Variants in COL22A1 observed in about 807,000 individuals in gnomAD.
COL22A1 encodes the protein collagen type XXII alpha 1 chain.
COL22A1 carries 221 observed loss-of-function variants against 248.9 expected under a neutral mutation model. The observed-to-expected ratio is 0.89, with a 90% CI of 0.80 to 0.99. The LOEUF (loss-of-function observed/expected upper bound fraction) is 0.99, where lower values mean the gene tolerates loss of function less well. Among genes scored for constraint, COL22A1 ranks in the 50% least tolerant of loss-of-function variants. The pLI is 0.00. For missense variants in COL22A1, 2,240 were observed against 2,179.0 expected (o/e 1.03, Z -0.56); for synonymous variants, 891 against 793.4 (o/e 1.12, Z -2.07).
chr8:138,811,155 A>G (rs1818176799), intron 9 of COL22A1, among the ~76,000 whole-genome samples: 1 of 152,138 alleles, frequency 6.6e-6, no homozygotes, highest in African/African-American at 2.4e-5. Flanking sequence ...CCCTGGGCAC[A>G]CAGTGAGATA....
chr8:138,708,083 C>T lies in COL22A1; in HGVS notation c.2518-4736G>A, dbSNP rs529818640. On this transcript the variant is annotated intron_variant, in intron 30 of 64. Coordinates refer to ENST00000303045, the MANE Select transcript of COL22A1 (RefSeq NM_152888.3). ...ACCTAGGAATCCAACTTACAAGGGA[C>T]ATGAAGGACCTCTTCAAGGAGAACT... is the stretch of plus-strand genomic sequence containing the variant. Among the ~76,000 whole-genome samples, 1,464 of 152,146 alleles carry T rather than the reference C, an allele frequency of 9.6e-3. 22 individuals are homozygous for T. Among genetic ancestry groups the T allele is most frequent in the African/African-American group, 0.03 (1,262 of 41,490 alleles).
intron 64 of COL22A1, among the ~76,000 whole-genome samples, chr8:138,591,009 T>C (rs968823487): frequency 2.6e-5 from 4 of 152,194 alleles, no homozygotes; most frequent in African/African-American, 9.7e-5. Flanking sequence ...CTCTTTCAAG[T>C]GAATTTCGAA....
intron 52 of COL22A1, chr8:138,620,588 C>G (rs940575565): frequency 3.9e-5 from 6 of 152,142 alleles, no homozygotes; most frequent in African/African-American, 1.4e-4. Context: ...TGTACATAGC[C>G]TGGCTCCTGC....
chr8:138,806,038 G>C (rs1415768340), intron 10 of COL22A1, among the ~76,000 whole-genome samples: 1 of 131,992 alleles, frequency 7.6e-6, no homozygotes, highest in Non-Finnish European at 1.6e-5. Flanking sequence ...GGTTGTGTGT[G>C]TGATGGTGTA....
Position 138,701,805 on chromosome 8 carries a change from C to G in COL22A1, c.2559+1501G>C, listed in dbSNP as rs1827998918. On this transcript the variant is annotated intron_variant, in intron 31 of 64. Transcript: ENST00000303045. ...GCGTCCACATAGGTGGCCTGGGGAG[C>G]CTGTGTTCTTATCTTTCAATATGCA... Among the ~76,000 whole-genome samples, 4 of 152,316 alleles carry G rather than the reference C, an allele frequency of 2.6e-5. No homozygotes were observed. In the South Asian group the frequency reaches 8.3e-4, roughly 32 times the overall value.
At chr8:138,618,602 A>G (rs1819518859) in intron 53 of COL22A1, among the ~76,000 whole-genome samples, 1 of 152,166 alleles carries the variant, frequency 6.6e-6, no homozygotes, top group African/African-American at 2.4e-5. Context: ...AGAACAGAAA[A>G]TTTATTTTTG....
chr8:138,673,699 C>T (rs1200593025), intron 41 of COL22A1, among the ~76,000 whole-genome samples: 1 of 152,160 alleles, frequency 6.6e-6, no homozygotes, highest in Non-Finnish European at 1.5e-5. Flanking sequence ...TAGCATTGGC[C>T]ACATCATGTC....
intron 22 of COL22A1, among the ~76,000 whole-genome samples, chr8:138,747,935 G>A (rs1172526171): frequency 6.6e-6 from 1 of 152,182 alleles, no homozygotes; most frequent in African/African-American, 2.4e-5. Flanking sequence ...TGCCAGCAGA[G>A]CCTCAACTAG....
At chr8:138,725,322 C>CT in intron 24 of COL22A1, 65 bp downstream of exon 24, 1 of 1,509,888 alleles carries the variant, frequency 6.6e-7, no homozygotes, top group Non-Finnish European at 9.2e-7. Flanking sequence ...AAAGATGTCC[C>CT]CAGGTCCCAC....
intron 1 of COL22A1, among the ~76,000 whole-genome samples, chr8:138,902,058 G>A (rs996584246): frequency 5.9e-5 from 9 of 152,160 alleles, no homozygotes; most frequent in African/African-American, 1.7e-4. Context: ...GTAAGACGCT[G>A]TGAAGGATGC....
intron 2 of COL22A1, among the ~76,000 whole-genome samples, chr8:138,879,372 C>A (rs1288082732): frequency 1.3e-5 from 2 of 152,008 alleles, no homozygotes; most frequent in Middle Eastern, 3.2e-3. Flanking sequence ...GAATGCTGCA[C>A]AAATATACAA....
intron 3 of COL22A1, among the ~76,000 whole-genome samples, chr8:138,873,607 G>A (rs538796624): frequency 1.1e-4 from 17 of 152,238 alleles, no homozygotes; most frequent in African/African-American, 3.9e-4. Flanking sequence ...TACACATTCC[G>A]TTGTGTAATT....
chr8:138,641,235 G>A, intron 47 of COL22A1, among the ~76,000 whole-genome samples: 1 of 152,154 alleles, frequency 6.6e-6, no homozygotes, highest in African/African-American at 2.4e-5. Context: ...GGCTTTTTCA[G>A]GTAGTGCCAA....
intron 12 of COL22A1, among the ~76,000 whole-genome samples, chr8:138,790,478 A>G (rs1586750919): frequency 6.6e-6 from 1 of 152,040 alleles, no homozygotes; most frequent in Admixed American, 6.6e-5. Context: ...CTTGGTCAAC[A>G]CTCTGGGAGA....
intron 4 of COL22A1, among the ~76,000 whole-genome samples, chr8:138,835,866 A>G (rs1242526933): frequency 6.6e-6 from 1 of 152,178 alleles, no homozygotes; most frequent in Non-Finnish European, 1.5e-5. Flanking sequence ...GGGCTATGAT[A>G]ACAATTTACA....
intron 41 of COL22A1, among the ~76,000 whole-genome samples, chr8:138,666,026 A>T (rs1824476055): frequency 6.6e-6 from 1 of 152,218 alleles, no homozygotes; most frequent in Admixed American, 6.5e-5. Context: ...CAGAGTGGCA[A>T]CTGAACTAAA....
At chr8:138,602,215 T>G in intron 59 of COL22A1, 56 bp from the exon 60 acceptor site, 1 of 1,588,174 alleles carries the variant, frequency 6.3e-7, no homozygotes, top group South Asian at 1.1e-5. Flanking sequence ...CTGGTGTCCT[T>G]GCCTTGCTGG....
rs1184923807 is a variant in COL22A1 at position 138,664,237 on chromosome 8, A to G, written c.3151-497T>C. ...CACACACACACACACACACACACAC[A>G]CACACACACACACACACACAGATAC... On this transcript the variant is annotated intron_variant, in intron 41 of 64. Coordinates refer to ENST00000303045, the MANE Select transcript of COL22A1 (RefSeq NM_152888.3). 2.3e-3 allele frequency among the ~76,000 whole-genome samples: 347 copies of G among 150,752 alleles called. 4 individuals are homozygous for G. The highest frequency in any genetic ancestry group is 7.9e-3 in the African/African-American group (325 of 40,910).
chr8:138,794,413 C>A (rs955894827), intron 12 of COL22A1, among the ~76,000 whole-genome samples: 1 of 150,060 alleles, frequency 6.7e-6, no homozygotes, highest in African/African-American at 2.4e-5. Context: ...AGCTGCTGAA[C>A]ATGTTGGTGG....
Sources: allele counts gnomAD v4.1 joint callset (sites outside exome capture counted in the v4.1 genomes callset), GRCh38; gene constraint gnomAD v4.1.1; transcripts MANE v1.5; gene names NCBI Gene and HGNC (gene_info 2026-07-23, HGNC 2026-07-21).